The following CCDC85A variants were observed in gnomAD, a reference collection of about 807,000 sequenced individuals.
The protein encoded by CCDC85A is coiled-coil domain containing 85A.
In CCDC85A, 38 loss-of-function variants were observed where a neutral mutation model predicts 50.2. The ratio of observed to expected loss-of-function variants is 0.76; its 90% CI spans 0.58 to 0.99. The LOEUF is 0.99. CCDC85A is among the 50% of genes least tolerant of loss of function. The probability of loss-of-function intolerance (pLI) is 0.00; values close to 1 mark genes in which losing one functional copy is unlikely to be tolerated. For synonymous variants in CCDC85A, 366 were observed against 301.4 expected, an observed-to-expected ratio of 1.21 and a Z score of -2.22; for missense variants, 820 against 742.0, an observed-to-expected ratio of 1.11 and a Z score of -1.22.
chr2:56,258,469 G>A (rs1213042134), intron 2 of CCDC85A, among the ~76,000 whole-genome samples: 2 of 152,132 alleles, frequency 1.3e-5, no homozygotes, highest in Admixed American at 6.5e-5. Flanking sequence ...TTCATTATCC[G>A]ATATGGCCTG....
intron 2 of CCDC85A, among the ~76,000 whole-genome samples, chr2:56,207,378 TG>T (rs1164365320): frequency 3.3e-5 from 5 of 152,176 alleles, no homozygotes; most frequent in Non-Finnish European, 5.9e-5. Flanking sequence ...CTGGTTTGTT[TG>T]TTCCCATTTC....
intron 2 of CCDC85A, among the ~76,000 whole-genome samples, chr2:56,254,701 A>C (rs1340204297): frequency 1.3e-5 from 2 of 152,212 alleles, no homozygotes; most frequent in Non-Finnish European, 2.9e-5. Flanking sequence ...GATGTGTACT[A>C]TAAGGGAAAA....
intron 3 of CCDC85A, among the ~76,000 whole-genome samples, chr2:56,344,946 A>C (rs913177627): frequency 3.3e-5 from 5 of 152,036 alleles, no homozygotes; most frequent in African/African-American, 1.2e-4. Context: ...AAAAAGAGGC[A>C]CAACAAATGT....
At chr2:56,245,929 G>T (rs1438603104) in intron 2 of CCDC85A, among the ~76,000 whole-genome samples, 1 of 152,140 alleles carries the variant, frequency 6.6e-6, no homozygotes, top group Non-Finnish European at 1.5e-5. Context: ...TTTTTATTCT[G>T]TATAAATTAC....
At chr2:56,278,782 A>G (rs1671075483) in intron 2 of CCDC85A, among the ~76,000 whole-genome samples, 1 of 152,172 alleles carries the variant, frequency 6.6e-6, no homozygotes, top group African/African-American at 2.4e-5. Context: ...CATGTTGGCC[A>G]GGCTGGTCAC....
chr2:56,272,728 T>C (rs892016141), intron 2 of CCDC85A, among the ~76,000 whole-genome samples: 3 of 152,180 alleles, frequency 2.0e-5, no homozygotes, highest in Non-Finnish European at 4.4e-5. Flanking sequence ...ATAAAAAGTT[T>C]TCCAAATCCT....
At chr2:56,267,931 T>C (rs1036379327) in intron 2 of CCDC85A, among the ~76,000 whole-genome samples, 5 of 152,178 alleles carry the variant, frequency 3.3e-5, no homozygotes, top group African/African-American at 1.2e-4. Flanking sequence ...TCAGAAAAGC[T>C]GTATCAACAA....
At chr2:56,287,455 C>G (rs1573180226) in intron 2 of CCDC85A, among the ~76,000 whole-genome samples, 1 of 152,214 alleles carries the variant, frequency 6.6e-6, no homozygotes, top group East Asian at 1.9e-4. Flanking sequence ...TCAACAATTA[C>G]TATCTTCCAT....
chr2:56,363,674 T>C (rs1675648872), intron 3 of CCDC85A, among the ~76,000 whole-genome samples: 1 of 152,198 alleles, frequency 6.6e-6, no homozygotes, highest in South Asian at 2.1e-4. Flanking sequence ...ATTCAGCAAA[T>C]ATTTATTTTA....
At chr2:56,299,448 A>C (rs1203865783) in intron 2 of CCDC85A, among the ~76,000 whole-genome samples, 1 of 152,162 alleles carries the variant, frequency 6.6e-6, no homozygotes, top group Non-Finnish European at 1.5e-5. Context: ...ATTAAAATTC[A>C]TAATCTCTGC....
chr2:56,357,932 C>T (rs1675319401), intron 3 of CCDC85A, among the ~76,000 whole-genome samples: 1 of 152,164 alleles, frequency 6.6e-6, no homozygotes, highest in African/African-American at 2.4e-5. Context: ...ACTGGCCCAG[C>T]ATTGAATCCA....
chr2:56,205,517 A>G (rs188870118), intron 2 of CCDC85A, among the ~76,000 whole-genome samples: 21 of 152,302 alleles, frequency 1.4e-4, no homozygotes, highest in Non-Finnish European at 2.4e-4. Flanking sequence ...TGTCAGGGAT[A>G]ATAGAGATTT....
At chr2:56,382,101 T>C (rs919090661) in intron 5 of CCDC85A, among the ~76,000 whole-genome samples, 4 of 152,134 alleles carry the variant, frequency 2.6e-5, no homozygotes, top group Admixed American at 2.0e-4. Context: ...AATTTAAAAA[T>C]GTTATTGTCA....
At chr2:56,239,462 C>G (rs1440075431) in intron 2 of CCDC85A, among the ~76,000 whole-genome samples, 1 of 152,000 alleles carries the variant, frequency 6.6e-6, no homozygotes, top group Non-Finnish European at 1.5e-5. Flanking sequence ...TTGTAGCAAA[C>G]TACATGTTGC....
intron 2 of CCDC85A, among the ~76,000 whole-genome samples, chr2:56,327,650 C>T (rs932750956): frequency 3.3e-5 from 5 of 151,930 alleles, no homozygotes; most frequent in Non-Finnish European, 5.9e-5. Context: ...TAATATTCAG[C>T]ATGGTATAGT....
intron 3 of CCDC85A, among the ~76,000 whole-genome samples, chr2:56,370,203 A>G (rs1390644578): frequency 2.0e-5 from 3 of 152,140 alleles, no homozygotes; most frequent in Non-Finnish European, 2.9e-5. Flanking sequence ...TGAGCCCCCA[A>G]GTTGCCAGAA....
At chr2:56,323,875 A>T (rs184057358) in intron 2 of CCDC85A, among the ~76,000 whole-genome samples, 21 of 152,186 alleles carry the variant, frequency 1.4e-4, no homozygotes, top group Non-Finnish European at 1.3e-4. Flanking sequence ...AGTCACCCCC[A>T]CATAGAGAAC....
intron 1 of CCDC85A, among the ~76,000 whole-genome samples, chr2:56,185,368 G>T (rs374105862): frequency 2.6e-5 from 4 of 152,154 alleles, no homozygotes; most frequent in Admixed American, 2.6e-4. Flanking sequence ...CTGCCAGGGA[G>T]AGCGGCTGGC....
At chr2:56,271,728 T>A (rs1670707279) in intron 2 of CCDC85A, among the ~76,000 whole-genome samples, 1 of 152,110 alleles carries the variant, frequency 6.6e-6, no homozygotes, top group Non-Finnish European at 1.5e-5. Context: ...ACAAGGGCAA[T>A]CATTTCCTCT....
Sources: allele counts gnomAD v4.1 joint callset (sites outside exome capture counted in the v4.1 genomes callset), GRCh38; gene constraint gnomAD v4.1.1; transcripts MANE v1.5; gene names NCBI Gene and HGNC (gene_info 2026-07-23, HGNC 2026-07-21).